The following TUT4 variants were observed in gnomAD, a reference collection of about 807,000 sequenced individuals.
TUT4 encodes the protein terminal uridylyltransferase 4.
A neutral mutation model predicts 192.2 loss-of-function variants in TUT4; 36 were observed. That is an observed-to-expected ratio of 0.19 (90% confidence interval 0.14 to 0.25). The LOEUF (loss-of-function observed/expected upper bound fraction) is 0.25. Ranked by LOEUF, TUT4 falls within the 10% of genes least tolerant of loss-of-function variation. The probability of loss-of-function intolerance (pLI) is 1.00; values close to 1 mark genes in which losing one functional copy is unlikely to be tolerated. For synonymous variants in TUT4, 618 were observed against 666.0 expected (o/e 0.93, Z 1.11); for missense variants, 1,493 against 1,957.2 (o/e 0.76, Z 4.47).
intron 8 of TUT4, among the ~76,000 whole-genome samples, chr1:52,490,286 G>A (rs1182970165): frequency 6.6e-6 from 1 of 151,676 alleles, no homozygotes; most frequent in Non-Finnish European, 1.5e-5. Context: ...GAGTAGCTGG[G>A]ACCACAGGCA....
intron 1 of TUT4, among the ~76,000 whole-genome samples, chr1:52,533,317 A>T (rs1369594998): frequency 2.0e-5 from 3 of 152,268 alleles, no homozygotes; most frequent in Non-Finnish European, 4.4e-5. Flanking sequence ...ATACTTAATC[A>T]CATTTCCCTT....
intron 24 of TUT4, among the ~76,000 whole-genome samples, chr1:52,438,898 C>T (rs113981339): frequency 2.0e-5 from 3 of 151,974 alleles, no homozygotes; most frequent in African/African-American, 7.3e-5. Context: ...GGCAAAACCC[C>T]GTCTCTACTA....
intron 12 of TUT4, among the ~76,000 whole-genome samples, chr1:52,476,226 GA>G (rs892780044): frequency 1.3e-5 from 2 of 151,098 alleles, no homozygotes; most frequent in African/African-American, 4.9e-5. Context: ...GCTTCAACTT[GA>G]AAAAAAACTG....
intron 1 of TUT4, among the ~76,000 whole-genome samples, chr1:52,527,444 G>A (rs1682104704): frequency 6.6e-6 from 1 of 152,070 alleles, no homozygotes; most frequent in Non-Finnish European, 1.5e-5. Context: ...TACTCGGGAG[G>A]CTGAGGCAGG....
chr1:52,453,035 C>T (rs1262232179), intron 20 of TUT4, among the ~76,000 whole-genome samples: 1 of 152,186 alleles, frequency 6.6e-6, no homozygotes, highest in Admixed American at 6.5e-5. Context: ...ACCCCCCCAA[C>T]ACATTTGGTC....
intron 28 of TUT4, among the ~76,000 whole-genome samples, chr1:52,428,487 G>A (rs749448646): frequency 1.3e-5 from 2 of 152,096 alleles, no homozygotes; most frequent in South Asian, 2.1e-4. Flanking sequence ...TTAGCTAGGC[G>A]TGGTGGCAGG....
At chr1:52,439,869 A>C (rs1266616569) in intron 24 of TUT4, among the ~76,000 whole-genome samples, 1 of 152,236 alleles carries the variant, frequency 6.6e-6, no homozygotes, top group African/African-American at 2.4e-5. Context: ...GAAACAACTC[A>C]AATGTCCAAC....
intron 24 of TUT4, among the ~76,000 whole-genome samples, chr1:52,443,757 T>C (rs1656465521): frequency 6.6e-6 from 1 of 151,248 alleles, no homozygotes; most frequent in South Asian, 2.1e-4. Context: ...AGCAAGACCC[T>C]GTATCAAAAA....
intron 2 of TUT4, among the ~76,000 whole-genome samples, chr1:52,517,956 G>A (rs1679148627): frequency 6.6e-6 from 1 of 152,176 alleles, no homozygotes; most frequent in South Asian, 2.1e-4. Context: ...CAAAGAATTA[G>A]AGAAAGCTGC....
In TUT4 at chr1:52,489,005, G is replaced by T. The variant is rs200480335; in HGVS notation, c.1419C>A (p.Asn473Lys). The T allele has an allele frequency of 6.2e-7, 1 of 1,613,328 alleles. No homozygotes were observed. Among genetic ancestry groups the T allele is most frequent in the Non-Finnish European group, 8.5e-7 (1 of 1,179,766 alleles). ...SGLLCRVSAG[N>K]DMACLTTDLL... Reference sequence around the variant, plus strand: ...AATCAGTAGTGAGACATGCCATATCGTTTCCTGCACTCACTCTACAAAGTA... The same window carrying T: ...AATCAGTAGTGAGACATGCCATATCTTTTCCTGCACTCACTCTACAAAGTA... The change falls in exon 9 of 30, where the codon AAC (asparagine) becomes AAA (lysine). Residue 473 changes from asparagine to lysine, a missense_variant. By Grantham distance (94) the Asn-to-Lys change is moderately conservative. Coordinates refer to ENST00000257177, the MANE Select transcript of TUT4 (RefSeq NM_001009881.3).
intron 1 of TUT4, among the ~76,000 whole-genome samples, chr1:52,543,580 T>A (rs1319245431): frequency 6.7e-6 from 1 of 148,498 alleles, no homozygotes; most frequent in Non-Finnish European, 1.5e-5. Flanking sequence ...GCCTCCCGGG[T>A]TCAAGCGATT....
chr1:52,490,295 C>A (rs556001822), intron 8 of TUT4, among the ~76,000 whole-genome samples: 24 of 151,970 alleles, frequency 1.6e-4, no homozygotes, highest in African/African-American at 5.8e-4. Context: ...GGACCACAGG[C>A]ACACACACCC....
chr1:52,493,769 G>A (rs1671772180), intron 6 of TUT4, 107 bp from the exon 7 acceptor site: 3 of 741,518 alleles, frequency 4.0e-6, no homozygotes, highest in Middle Eastern at 5.0e-4. Flanking sequence ...ATATAATCAT[G>A]CTTTGTGTTT....
rs773035623 is a variant in TUT4 at position 52,525,657 on chromosome 1, G to A, written c.624C>T (p.Asn208=). ...AVGGEKCALQ[N]SPRSQKQQTC... ...TCTGTTGCTTCTGAGATCGTGGTGA[G>A]TTTTGCAGAGCACATTTTTCTCCCC... The change falls in exon 2 of 30, where the codon AAC becomes AAT. Residue 208 remains asparagine, a synonymous_variant. Coordinates refer to ENST00000257177, the MANE Select transcript of TUT4 (RefSeq NM_001009881.3). 1 of 1,614,138 alleles carries A rather than the reference G, an allele frequency of 6.2e-7. No individual in the cohort carries two copies. Among genetic ancestry groups the A allele is most frequent in the East Asian group, 2.2e-5 (1 of 44,874 alleles).
chr1:52,519,493 T>TA lies in TUT4; in HGVS notation c.719-3440dup, dbSNP rs200570150. 1.8e-4 allele frequency among the ~76,000 whole-genome samples: 27 copies of TA among 152,198 alleles called. No homozygotes were observed. The East Asian group carries it at 2.9e-3, about 16-fold the overall frequency. ...TAAAAACTACTGAACACTTAATACT[T>TA]AGATTTTTAGTAAAATATTCTTTTT... is the stretch of plus-strand genomic sequence containing the variant. On this transcript the variant is annotated intron_variant, in intron 2 of 29. Coordinates refer to ENST00000257177, the MANE Select transcript of TUT4 (RefSeq NM_001009881.3).
intron 28 of TUT4, among the ~76,000 whole-genome samples, chr1:52,427,387 T>G (rs192259318): frequency 2.0e-5 from 3 of 152,120 alleles, no homozygotes; most frequent in African/African-American, 4.8e-5. Context: ...GGGTAAGAGA[T>G]AGTACAGTAT....
At position 52,461,510 on chromosome 1, in the gene TUT4, T is replaced by C; in HGVS notation, c.3231+3A>G. ...TATACATGGCCTATAAAGATAAACT[T>C]ACCAACGTATTATATAAACTGATAT... is the stretch of plus-strand genomic sequence containing the variant. On this transcript the variant is annotated splice_donor_region_variant and intron_variant, in intron 18 of 29. Coordinates refer to ENST00000257177, the MANE Select transcript of TUT4 (RefSeq NM_001009881.3). 2 of 1,609,668 alleles carry C rather than the reference T, an allele frequency of 1.2e-6. No homozygotes were observed. The highest frequency in any genetic ancestry group is 1.7e-6 in the Non-Finnish European group (2 of 1,178,018).
In TUT4 at chr1:52,497,077, G is replaced by C. The variant is rs775806403; in HGVS notation, c.1106C>G (p.Thr369Arg). The C allele has an allele frequency of 3.1e-6, 5 of 1,613,988 alleles. No homozygotes were observed. In the South Asian group the frequency reaches 5.5e-5, roughly 18 times the overall value. ...VIELAKEHGI[T>R]DDDLRVRQEI... ...CTGACGGACTCTGAGGTCATCATCTGTTATTCCATGTTCTTTTGCTAATTC... is the reference window on the plus strand; with the variant it reads ...CTGACGGACTCTGAGGTCATCATCTCTTATTCCATGTTCTTTTGCTAATTC... The change falls in exon 5 of 30, where the codon ACA becomes AGA. Residue 369 changes from threonine (T) to arginine (R), a missense_variant. Thr to Arg is a moderately conservative substitution (Grantham distance 71, BLOSUM62 -1). This residue lies in a region of TUT4 where 437 missense variants were observed against 577.6 expected (regional missense o/e 0.76). Transcript: ENST00000257177.
chr1:52,532,896 T>C (rs926158525), intron 1 of TUT4, among the ~76,000 whole-genome samples: 1 of 152,216 alleles, frequency 6.6e-6, no homozygotes, highest in Non-Finnish European at 1.5e-5. Context: ...GGCCTTCTGA[T>C]AAAGTTCTCA....
Sources: allele counts gnomAD v4.1 joint callset (sites outside exome capture counted in the v4.1 genomes callset), GRCh38; gene constraint gnomAD v4.1.1; regional missense constraint gnomAD v4.1.1; transcripts MANE v1.5; gene names NCBI Gene and HGNC (gene_info 2026-07-23, HGNC 2026-07-21).